Variants in LAT2 observed in about 807,000 individuals in gnomAD.
LAT2 encodes the protein linker for activation of T cells family member 2.
Under a neutral mutation model 43.4 loss-of-function variants are expected in LAT2, and 23 were observed. The observed-to-expected ratio is 0.53, with a 90% CI of 0.38 to 0.75. LAT2 has a LOEUF of 0.75. Ranked by LOEUF, LAT2 falls within the 30% of genes least tolerant of loss-of-function variation. LAT2 has a pLI of 0.00. For synonymous variants in LAT2, 128 were observed against 123.2 expected (o/e 1.04, Z -0.26); for missense variants, 284 against 310.2 (o/e 0.92, Z 0.64).
chr7:74,229,731 TG>T lies in LAT2; in HGVS notation c.*809del, dbSNP rs2116219781. On this transcript the variant is annotated 3_prime_UTR_variant, in exon 14 of 14. Transcript: ENST00000460943. ...ATTAAACAGTGTTGTGACTGTCTCA[TG>T]GGAAGAGCTGGGGCCCAGAGGGACC... 6.6e-6 allele frequency: 1 copy of T among 152,358 alleles called. No individual in the cohort carries two copies. The highest frequency in any genetic ancestry group is 1.9e-4 in the East Asian group (1 of 5,196). The allele number at this position is 152,358 out of a possible 1,614,324, so 9.4% of individuals were successfully genotyped here.
At chr7:74,216,950 T>C in intron 4 of LAT2, 86 bp downstream of exon 4, 1 of 1,139,834 alleles carries the variant, frequency 8.8e-7, no homozygotes. Flanking sequence ...ACCCCATCCT[T>C]CACCCCTTCA....
intron 10 of LAT2, among the ~76,000 whole-genome samples, chr7:74,222,855 A>C (rs542058198): frequency 2.6e-5 from 4 of 152,136 alleles, no homozygotes; most frequent in Non-Finnish European, 5.9e-5. Context: ...GATTACAGGC[A>C]TGAGCCACCC....
Position 74,224,148 on chromosome 7 carries a change from T to C in LAT2, c.579T>C (p.Tyr193=). ...AAGAAGATGAGGAATCTGAGGATTA[T>C]CAGAACTCAGCATCCATCCATCAGT... ...SPEEDEESED[Y]QNSASIHQWR... The change falls in exon 12 of 14, where the codon TAT becomes TAC. Residue 193 remains tyrosine, a synonymous_variant. Coordinates refer to ENST00000460943, the MANE Select transcript of LAT2 (RefSeq NM_032464.3). The C allele has an allele frequency of 4.3e-6, 7 of 1,614,184 alleles. No individual in the cohort carries two copies. Among genetic ancestry groups the C allele is most frequent in the Non-Finnish European group, 5.9e-6 (7 of 1,180,036 alleles).
Position 74,224,191 on chromosome 7 carries a change from G to A in LAT2, c.622G>A (p.Val208Ile), listed in dbSNP as rs1802398741. The change falls in exon 12 of 14, where the codon GTC becomes ATC. Residue 208 changes from valine (V) to isoleucine (I), a missense_variant. Transcript: ENST00000460943. ...CCATCAGTGGCGCGAGTCCAGGAAG[G>A]TCATGGGTAGGTGGCCGGGAGAAGA... The part of the protein sequence containing the change: ...SIHQWRESRK[V>I]MGQLQREASP... 1 of 1,613,292 alleles carries A rather than the reference G, an allele frequency of 6.2e-7. No homozygotes were observed. The highest frequency in any genetic ancestry group is 8.5e-7 in the Non-Finnish European group (1 of 1,180,016).
At chr7:74,214,160 ATG>A (rs1554713676) in intron 1 of LAT2, among the ~76,000 whole-genome samples, 16 of 107,284 alleles carry the variant, frequency 1.5e-4, no homozygotes, top group Non-Finnish European at 2.4e-4. Flanking sequence ...AAATATATAT[ATG>A]AAAATATATA....
chr7:74,219,637 G>T, intron 4 of LAT2, 107 bp from the exon 5 acceptor site: 1 of 1,357,706 alleles, frequency 7.4e-7, no homozygotes, highest in Non-Finnish European at 1.0e-6. Flanking sequence ...GCCCCAGTCC[G>T]TCCCTCTGCT....
chr7:74,215,407 G>T (rs185486629), intron 2 of LAT2: 1 of 160,200 alleles, frequency 6.2e-6, no homozygotes, highest in African/African-American at 2.4e-5. Context: ...GGAGCCCTGA[G>T]TTGCTCTGGG....
At chr7:74,222,481 C>T (rs535566763) in intron 10 of LAT2, among the ~76,000 whole-genome samples, 10 of 151,870 alleles carry the variant, frequency 6.6e-5, no homozygotes, top group South Asian at 2.1e-4. Flanking sequence ...CATGGGCCTG[C>T]GGTTTGAATC....
Position 74,220,219 on chromosome 7 carries a change from A to G in LAT2, c.230A>G (p.Lys77Arg), listed in dbSNP as rs1554714934. The G allele has an allele frequency of 6.2e-7, 1 of 1,609,804 alleles. No individual in the cohort carries two copies. Among genetic ancestry groups the G allele is most frequent in the Non-Finnish European group, 8.5e-7 (1 of 1,177,388 alleles). ...GPLADMAPTRKDKLLQFYPSL... is the reference protein window; with the variant it reads ...GPLADMAPTRRDKLLQFYPSL... ...TCCCTCCTTCCCCCTCCCTGCAGGAAGGACAAGCTGTTGCAATTCTACCCC... is the reference window on the plus strand; with the variant it reads ...TCCCTCCTTCCCCCTCCCTGCAGGAGGGACAAGCTGTTGCAATTCTACCCC... Residue 77 changes from lysine (K) to arginine (R), a missense_variant and splice_region_variant, in exon 7 of 14, where the codon AAG becomes AGG. Transcript: ENST00000460943. The surrounding 1 kb of genome is among the most constrained non-coding windows in gnomAD (Gnocchi z 4.5).
In LAT2 at chr7:74,220,131, C is replaced by T; in HGVS notation, c.228-86C>T. On this transcript the variant is annotated intron_variant, in intron 6 of 13. Coordinates refer to ENST00000460943, the MANE Select transcript of LAT2 (RefSeq NM_032464.3). The surrounding 1 kb of genome is among the most constrained non-coding windows in gnomAD (Gnocchi z 4.5). ...GAGCTCCAGGGCTCAGCTATGAAGG[C>T]CCCACAAGGGGTATGGGGGGATGTG... 1 of 1,561,192 alleles carries T rather than the reference C, an allele frequency of 6.4e-7. No homozygotes were observed. The highest frequency in any genetic ancestry group is 1.2e-5 in the South Asian group (1 of 85,538).
intron 1 of LAT2, among the ~76,000 whole-genome samples, 162 bp downstream of exon 1, chr7:74,210,250 G>A (rs1801685567): frequency 6.6e-6 from 1 of 152,170 alleles, no homozygotes; most frequent in South Asian, 2.1e-4. Context: ...TCAGGGGTCA[G>A]TTTGTTTCTG....
intron 1 of LAT2, among the ~76,000 whole-genome samples, chr7:74,214,389 A>AAT (rs57553817): frequency 2.1e-5 from 1 of 48,624 alleles, no homozygotes; most frequent in East Asian, 6.8e-4. Context: ...TATATATATA[A>AAT]ATATATATAT....
rs752415279 is a variant in LAT2, at chr7:74,224,845, G to A, written c.*18+85G>A. ...GGACCCCCAATCCAAGGGAACAGCCGAGAGTGTGGGTGGAGGGGCCATGGT... is the reference window on the plus strand; with the variant it reads ...GGACCCCCAATCCAAGGGAACAGCCAAGAGTGTGGGTGGAGGGGCCATGGT... On this transcript the variant is annotated intron_variant, in intron 13 of 13. Transcript: ENST00000460943. The A allele has an allele frequency of 4.2e-4, 428 of 1,031,264 alleles. 1 individual carries two copies. The highest frequency in any genetic ancestry group is 5.0e-4 in the Non-Finnish European group (359 of 715,660). 63.9% of individuals were successfully genotyped at this position (1,031,264 alleles called of 1,614,324 possible).
Position 74,224,709 on chromosome 7 carries a change from C to A in LAT2, c.699C>A (p.Tyr233Ter), listed in dbSNP as rs782326473. Residue 233 changes from tyrosine (Y) to a stop codon, truncating the protein, a stop_gained, in exon 13 of 14, where the codon TAC (tyrosine) becomes TAA (stop). Coordinates refer to ENST00000460943, the MANE Select transcript of LAT2 (RefSeq NM_032464.3). LOFTEE classifies it high-confidence loss of function. ...ACGAGGAGGACGGGGAACCGGATTA[C>A]GTGAATGGGGAGGTGGCAGCCACAG... ...SPDEEDGEPDYVNGEVAATEA is the reference protein window; with the variant it reads ...SPDEEDGEPD 2.4e-5 allele frequency: 38 copies of A among 1,605,318 alleles called. 1 individual carries two copies. Among genetic ancestry groups the A allele is most frequent in the South Asian group, 3.4e-5 (3 of 89,396 alleles).
At chr7:74,210,530 C>T (rs1801695278) in intron 1 of LAT2, among the ~76,000 whole-genome samples, 1 of 152,144 alleles carries the variant, frequency 6.6e-6, no homozygotes, top group Non-Finnish European at 1.5e-5. Context: ...CCTCCCTGCC[C>T]AGCCCCCTAC....
intron 1 of LAT2, among the ~76,000 whole-genome samples, chr7:74,213,024 C>A (rs1204359265): frequency 4.6e-5 from 7 of 152,156 alleles, no homozygotes; most frequent in African/African-American, 1.7e-4. Context: ...TTGTCCAAAG[C>A]CACACAGCTT....
In LAT2 at chr7:74,220,257, G is replaced by A. The variant is rs1554714950; in HGVS notation, c.265+3G>A. 1 of 1,611,512 alleles carries A rather than the reference G, an allele frequency of 6.2e-7. No individual in the cohort carries two copies. Among genetic ancestry groups the A allele is most frequent in the Non-Finnish European group, 8.5e-7 (1 of 1,178,420 alleles). On this transcript the variant is annotated splice_donor_region_variant and intron_variant, in intron 7 of 13. Coordinates refer to ENST00000460943, the MANE Select transcript of LAT2 (RefSeq NM_032464.3). The surrounding 1 kb of genome is among the most constrained non-coding windows in gnomAD (Gnocchi z 4.5). ...GCAATTCTACCCCAGCCTGGAGGGT[G>A]AGTGGCACAGGGCAGGGACAGGGAC...
At position 74,220,573 on chromosome 7, in the gene LAT2, C is replaced by G. The variant is rs781803018; in HGVS notation, c.266-11C>G. The G allele has an allele frequency of 5.0e-6, 8 of 1,613,896 alleles. No individual in the cohort carries two copies. In the African/African-American group the frequency reaches 1.1e-4, roughly 22 times the overall value. ...CAGGGGAGAAAGCAATTAGCTGGGT[C>G]TTTCTTCCAGATCCAGCATCTTCCA... On this transcript the variant is annotated splice_polypyrimidine_tract_variant and intron_variant, in intron 7 of 13. Coordinates refer to ENST00000460943, the MANE Select transcript of LAT2 (RefSeq NM_032464.3). The surrounding 1 kb of genome is among the most constrained non-coding windows in gnomAD (Gnocchi z 4.5).
intron 3 of LAT2, among the ~76,000 whole-genome samples, 167 bp downstream of exon 3, chr7:74,216,236 C>T (rs566472762): frequency 2.6e-5 from 4 of 152,010 alleles, no homozygotes; most frequent in South Asian, 2.1e-4. Flanking sequence ...CAGGTGCACC[C>T]GAGGGCTTTG....
Sources: gnomAD v4.1 joint callset for allele counts (sites outside exome capture counted in the v4.1 genomes callset) on GRCh38, gnomAD v4.1.1 for gene constraint, Gnocchi (gnomAD v3.1) non-coding constraint, MANE v1.5 for transcripts, NCBI Gene and HGNC (gene_info 2026-07-23, HGNC 2026-07-21) for gene names.